DNHD1: variants seen among roughly 807,000 people sequenced by gnomAD.
The protein encoded by DNHD1 is dynein heavy chain domain-containing protein 1.
In DNHD1, 383 loss-of-function variants were observed where a neutral mutation model predicts 458.1. The ratio of observed to expected loss-of-function variants is 0.84; its 90% CI spans 0.77 to 0.91. The LOEUF (loss-of-function observed/expected upper bound fraction) is 0.91, where lower values mean the gene tolerates loss of function less well. Ranked by LOEUF, DNHD1 falls within the 40% of genes least tolerant of loss-of-function variation. The pLI, the probability that DNHD1 is intolerant of heterozygous loss-of-function variation, is 0.00. For missense variants in DNHD1, 5,336 were observed against 5,866.1 expected (o/e 0.91, Z 2.95); for synonymous variants, 2,203 against 2,376.9 (o/e 0.93, Z 2.13).
rs190406007 is a variant in DNHD1, at chr11:6,538,094, G to A, written c.2999-289G>A. The stretch of plus-strand genomic sequence containing the variant: ...TGGTGCATCTCAGCCATAGTAAAGC[G>A]TCCAGTGTCACTAGAATGGAGTGAA... On this transcript the variant is annotated intron_variant, in intron 14 of 42. Coordinates refer to ENST00000254579, the MANE Select transcript of DNHD1 (RefSeq NM_144666.3). Among the ~76,000 whole-genome samples the A allele has an allele frequency of 1.4e-3, 210 of 152,306 alleles. 2 individuals carry two copies. Among genetic ancestry groups the A allele is most frequent in the African/African-American group, 4.8e-3 (198 of 41,570 alleles).
In DNHD1 at chr11:6,570,778, C is replaced by A. The variant is rs756388963; in HGVS notation, c.13266C>A (p.Pro4422=). Reference sequence around the variant, plus strand: ...TGAGTGCGCTGCAGCGGAGTTCACCCGTGTGGGTTCCTGAGTCTCGAAGAG... The same window carrying A: ...TGAGTGCGCTGCAGCGGAGTTCACCAGTGTGGGTTCCTGAGTCTCGAAGAG... The part of the protein sequence containing the change: ...ALLSALQRSS[P]VWVPESRRGA... The change falls in exon 42 of 43, where the codon CCC becomes CCA. Residue 4422 remains proline (P), a synonymous_variant. Coordinates refer to ENST00000254579, the MANE Select transcript of DNHD1 (RefSeq NM_144666.3). The A allele has an allele frequency of 2.7e-5, 43 of 1,613,236 alleles. No homozygotes were observed. The highest frequency in any genetic ancestry group is 3.6e-5 in the Non-Finnish European group (42 of 1,179,590).
At position 6,544,682 on chromosome 11, in the gene DNHD1, G is replaced by C; in HGVS notation, c.3852+11G>C. On this transcript the variant is annotated intron_variant, in intron 20 of 42. Transcript: ENST00000254579. ...CCTAATGCTGACCTGGTAGGGAAGG[G>C]GGTTGAGGCAGAGAGGGCAAGAAGG... 1 of 1,550,568 alleles carries C rather than the reference G, an allele frequency of 6.4e-7. No individual in the cohort carries two copies. Among genetic ancestry groups the C allele is most frequent in the South Asian group, 1.2e-5 (1 of 84,006 alleles).
rs1852772033 is a variant in DNHD1, at chr11:6,528,964, G to A, written c.2190G>A (p.Gln730=). 1 of 1,551,670 alleles carries A rather than the reference G, an allele frequency of 6.4e-7. No homozygotes were observed. Among genetic ancestry groups the A allele is most frequent in the East Asian group, 2.4e-5 (1 of 40,932 alleles). ...AATTCCTGCAATCCTGGGGGCCTCA[G>A]AAGCTGGAAGACATGAGAGGTGGTC... The part of the protein sequence containing the change: ...IYEFLQSWGP[Q]KLEDMRGGPI... The change falls in exon 12 of 43, where the codon CAG becomes CAA. Residue 730 remains glutamine, a synonymous_variant. Coordinates refer to ENST00000254579, the MANE Select transcript of DNHD1 (RefSeq NM_144666.3).
At position 6,564,026 on chromosome 11, in the gene DNHD1, G is replaced by A. The variant is rs1853640435; in HGVS notation, c.10186G>A (p.Ala3396Thr). The A allele has an allele frequency of 1.3e-6, 2 of 1,551,598 alleles. No individual in the cohort carries two copies. Among genetic ancestry groups the A allele is most frequent in the Admixed American group, 2.0e-5 (1 of 50,986 alleles). The change falls in exon 31 of 43, where the codon GCA (alanine) becomes ACA (threonine). Residue 3396 changes from alanine (A) to threonine (T), a missense_variant. Physicochemically the swap from Ala to Thr is moderately conservative, Grantham distance 58. Coordinates refer to ENST00000254579, the MANE Select transcript of DNHD1 (RefSeq NM_144666.3). Reference sequence around the variant, plus strand: ...TGCCCAAGCTTCCCACAACTGCGTGGCAAAGACCCTCAGTCAAGCACAGTG... The same window carrying A: ...TGCCCAAGCTTCCCACAACTGCGTGACAAAGACCCTCAGTCAAGCACAGTG... The part of the protein sequence containing the change: ...EDAQASHNCV[A>T]KTLSQAQCGQ...
chr11:6,557,872 C>G lies in DNHD1; in HGVS notation c.8577C>G (p.Ser2859Arg). ...LATSAAQLKL[S>R]PHLARCHSMA... ...CCTCAGCTGCTCAACTGAAGTTGAGCCCCCACCTGGCCCGGTGTCATTCCA... is the reference window on the plus strand; with the variant it reads ...CCTCAGCTGCTCAACTGAAGTTGAGGCCCCACCTGGCCCGGTGTCATTCCA... The change falls in exon 25 of 43, where the codon AGC becomes AGG. Residue 2859 changes from serine to arginine, a missense_variant. Ser to Arg is a moderately radical substitution (Grantham distance 110). This residue lies in a region of DNHD1 where 3,932 missense variants were observed against 4,365.6 expected (regional missense o/e 0.90). Coordinates refer to ENST00000254579, the MANE Select transcript of DNHD1 (RefSeq NM_144666.3). 1.9e-6 allele frequency: 3 copies of G among 1,551,022 alleles called. No individual in the cohort carries two copies. The highest frequency in any genetic ancestry group is 1.7e-6 in the Non-Finnish European group (2 of 1,146,948).
rs140147916 is a variant in DNHD1 at position 6,567,714 on chromosome 11, G to A, written c.12205G>A (p.Asp4069Asn). 386 of 1,613,872 alleles carry A rather than the reference G, an allele frequency of 2.4e-4. 2 individuals carry two copies. In the East Asian group the frequency reaches 8.1e-3, roughly 34 times the overall value. The change falls in exon 36 of 43, where the codon GAT becomes AAT. Residue 4069 changes from aspartate (D) to asparagine (N), a missense_variant. Asp to Asn is a conservative substitution (Grantham distance 23, BLOSUM62 1). Around this residue, in one of 4 missense-constraint regions of DNHD1, gnomAD observed 695 missense variants for 804.2 expected, o/e 0.86. Coordinates refer to ENST00000254579, the MANE Select transcript of DNHD1 (RefSeq NM_144666.3). Reference sequence around the variant, plus strand: ...CACTAGCCTCCTGGGTCGGCCCCTGGATGAAAACACGTATGCTCCCACCAT... The same window carrying A: ...CACTAGCCTCCTGGGTCGGCCCCTGAATGAAAACACGTATGCTCCCACCAT... ...FTTSLLGRPLDENTYAPTMPF... is the reference protein window; with the variant it reads ...FTTSLLGRPLNENTYAPTMPF...
intron 7 of DNHD1, among the ~76,000 whole-genome samples, chr11:6,511,752 C>T (rs1852338656): frequency 6.6e-6 from 1 of 152,174 alleles, no homozygotes; most frequent in Non-Finnish European, 1.5e-5. Flanking sequence ...AACAGGAATC[C>T]TGGTCTTTTA....
Position 6,568,561 on chromosome 11 carries a change from A to G in DNHD1, c.12646A>G (p.Ser4216Gly), listed in dbSNP as rs1180857012. ...TTGGCTTATTGTGCCTGCAGAGTCT[A>G]GTGCTTCTTTGCCAGGTGAGGAGCT... is the stretch of plus-strand genomic sequence containing the variant. ...RLWLIVPAES[S>G]ASLPAVLTQH... Residue 4216 changes from serine to glycine, a missense_variant, in exon 38 of 43, where the codon AGT (serine) becomes GGT (glycine). By Grantham distance (56) the Ser-to-Gly change is moderately conservative (BLOSUM62 0). This residue lies in a region of DNHD1 where 695 missense variants were observed against 804.2 expected (regional missense o/e 0.86). Transcript: ENST00000254579. 1 of 1,613,996 alleles carries G rather than the reference A, an allele frequency of 6.2e-7. No homozygotes were observed. Among genetic ancestry groups the G allele is most frequent in the East Asian group, 2.2e-5 (1 of 44,882 alleles).
chr11:6,528,773 C>A lies in DNHD1; in HGVS notation c.2089C>A (p.Gln697Lys). The A allele has an allele frequency of 6.4e-7, 1 of 1,551,652 alleles. No homozygotes were observed. The highest frequency in any genetic ancestry group is 8.7e-7 in the Non-Finnish European group (1 of 1,146,964). ...GATCCAGCAGGCACTGAATATACAACAGGTGCTGCTGGAGGTGAGAACAGT... is the reference window on the plus strand; with the variant it reads ...GATCCAGCAGGCACTGAATATACAAAAGGTGCTGCTGGAGGTGAGAACAGT... ...PKIQQALNIQ[Q>K]VLLEGVLCKV... The change falls in exon 11 of 43, where the codon CAG becomes AAG. Residue 697 changes from glutamine to lysine, a missense_variant. By Grantham distance (53) the Gln-to-Lys change is moderately conservative (BLOSUM62 1). Around this residue, in one of 4 missense-constraint regions of DNHD1, gnomAD observed 3,932 missense variants for 4,365.6 expected, o/e 0.90. Coordinates refer to ENST00000254579, the MANE Select transcript of DNHD1 (RefSeq NM_144666.3).
chr11:6,520,942 C>A, intron 10 of DNHD1: 1 of 921,056 alleles, frequency 1.1e-6, no homozygotes, highest in Non-Finnish European at 1.3e-6. Context: ...AAAGACATAA[C>A]GTTAATTTTA....
At chr11:6,541,336 T>TA (rs1292560052) in intron 18 of DNHD1, among the ~76,000 whole-genome samples, 1 of 152,250 alleles carries the variant, frequency 6.6e-6, no homozygotes, top group Non-Finnish European at 1.5e-5. Flanking sequence ...CAGTGGTTGT[T>TA]ACAATATTAG....
At position 6,515,779 on chromosome 11, in the gene DNHD1, A is replaced by ATT. The variant is rs61095437; in HGVS notation, c.1393-3799_1393-3798dup. On this transcript the variant is annotated intron_variant, in intron 7 of 42. Coordinates refer to ENST00000254579, the MANE Select transcript of DNHD1 (RefSeq NM_144666.3). Reference sequence around the variant, plus strand: ...TTTTATTCAAATATTCTATAGACACATTTTTTTTTTTTTTTTTTTTTTTGA... The same window carrying ATT: ...TTTTATTCAAATATTCTATAGACACATTTTTTTTTTTTTTTTTTTTTTTTTGA... Among the ~76,000 whole-genome samples the ATT allele has an allele frequency of 3.3e-3, 361 of 108,240 alleles. 1 individual carries two copies. The highest frequency in any genetic ancestry group is 4.0e-3 in the Non-Finnish European group (219 of 54,526). 71.0% of individuals were successfully genotyped at this position (108,240 alleles called of 152,430 possible).
intron 7 of DNHD1, among the ~76,000 whole-genome samples, chr11:6,515,620 T>C (rs552490866): frequency 5.3e-5 from 8 of 152,084 alleles, no homozygotes; most frequent in African/African-American, 1.7e-4. Context: ...CTTTTTTTTT[T>C]ACTCCTGTAG....
chr11:6,503,352 AT>A (rs1361246417), intron 4 of DNHD1: 1 of 154,990 alleles, frequency 6.5e-6, no homozygotes, highest in Non-Finnish European at 1.4e-5. Flanking sequence ...CAAAATCTGC[AT>A]TCTTTTAACT....
intron 3 of DNHD1, among the ~76,000 whole-genome samples, chr11:6,502,491 A>G (rs1291010775): frequency 6.6e-6 from 1 of 152,212 alleles, no homozygotes; most frequent in Non-Finnish European, 1.5e-5. Context: ...CAGAATGATT[A>G]TTTGTTTATC....
intron 16 of DNHD1, 66 bp downstream of exon 16, chr11:6,538,876 T>A: frequency 7.3e-7 from 1 of 1,364,662 alleles, no homozygotes; most frequent in Non-Finnish European, 9.8e-7. Context: ...ATGCAGCAAC[T>A]CAGTTTCCTG....
chr11:6,523,597 T>A (rs2134400280), intron 10 of DNHD1, among the ~76,000 whole-genome samples: 1 of 152,328 alleles, frequency 6.6e-6, no homozygotes, highest in South Asian at 2.1e-4. Flanking sequence ...TGTTGACTCA[T>A]ATGTATTATA....
Position 6,548,533 on chromosome 11 carries a change from A to C in DNHD1, c.7099-112A>C. 6.9e-7 allele frequency: 1 copy of C among 1,459,128 alleles called. No individual in the cohort carries two copies. Among genetic ancestry groups the C allele is most frequent in the Non-Finnish European group, 9.3e-7 (1 of 1,078,746 alleles). 90.4% of individuals were successfully genotyped at this position (1,459,128 alleles called of 1,614,324 possible). On this transcript the variant is annotated intron_variant, in intron 23 of 42. Transcript: ENST00000254579. The surrounding 1 kb of genome is among the most constrained non-coding windows in gnomAD (Gnocchi z 4.4). ...TATATTTTCACAATCACAAGAATAC[A>C]TGAAATATTTTCCAAGTACAGCTCT... is the stretch of plus-strand genomic sequence containing the variant.
chr11:6,513,519 T>C (rs888423438), intron 7 of DNHD1, among the ~76,000 whole-genome samples: 1 of 152,240 alleles, frequency 6.6e-6, no homozygotes, highest in Non-Finnish European at 1.5e-5. Flanking sequence ...GTGAGATTTA[T>C]CCGTAATGTT....
Sources: gnomAD v4.1 joint callset for allele counts (sites outside exome capture counted in the v4.1 genomes callset) on GRCh38, gnomAD v4.1.1 for gene constraint, gnomAD v4.1.1 regional missense constraint, Gnocchi (gnomAD v3.1) non-coding constraint, MANE v1.5 for transcripts, NCBI Gene and HGNC (gene_info 2026-07-23, HGNC 2026-07-21) for gene names.